Variants in PLXNC1 observed in about 807,000 individuals in gnomAD.
The protein encoded by PLXNC1 is plexin-C1.
PLXNC1 carries 75 observed loss-of-function variants against 178.2 expected under a neutral mutation model. The observed-to-expected ratio is 0.42, with a 90% CI of 0.35 to 0.51. The LOEUF (loss-of-function observed/expected upper bound fraction) is 0.51, where lower values mean the gene tolerates loss of function less well. Among genes scored for constraint, PLXNC1 ranks in the 20% least tolerant of loss-of-function variants. The pLI is 0.02. For missense variants in PLXNC1, 1,503 were observed against 1,984.4 expected, an observed-to-expected ratio of 0.76 and a Z score of 4.61; for synonymous variants, 790 against 779.9, an observed-to-expected ratio of 1.01 and a Z score of -0.22.
intron 5 of PLXNC1, among the ~76,000 whole-genome samples, chr12:94,210,847 A>T (rs1311720927): frequency 6.6e-6 from 1 of 152,224 alleles, no homozygotes; most frequent in African/African-American, 2.4e-5. Flanking sequence ...ATTCTTAGGC[A>T]TCTAAACATA....
rs140604358 is a variant in PLXNC1, at chr12:94,221,457, G to A, written c.1702+1294G>A. Among the ~76,000 whole-genome samples, 1,393 of 152,222 alleles carry A rather than the reference G, an allele frequency of 9.2e-3. 76 individuals carry two copies. Among genetic ancestry groups the A allele is most frequent in the Admixed American group, 0.081 (1,240 of 15,284 alleles). Reference sequence around the variant, plus strand: ...GATTCAATAGATGGTCAGTAGGTACGGTGGGCAGACTGAGGACTCCTGAGT... The same window carrying A: ...GATTCAATAGATGGTCAGTAGGTACAGTGGGCAGACTGAGGACTCCTGAGT... On this transcript the variant is annotated intron_variant, in intron 6 of 30. Coordinates refer to ENST00000258526, the MANE Select transcript of PLXNC1 (RefSeq NM_005761.3).
intron 9 of PLXNC1, among the ~76,000 whole-genome samples, chr12:94,230,444 G>C (rs1964067110): frequency 6.6e-6 from 1 of 152,144 alleles, no homozygotes; most frequent in Non-Finnish European, 1.5e-5. Flanking sequence ...CACAAGAGAA[G>C]AAGAAGGCTG....
intron 21 of PLXNC1, chr12:94,277,669 CAG>C: frequency 3.1e-6 from 1 of 318,534 alleles, no homozygotes; most frequent in Admixed American, 4.7e-5. Flanking sequence ...CCTCCTTATT[CAG>C]AGATACTGAG....
intron 1 of PLXNC1, among the ~76,000 whole-genome samples, chr12:94,164,123 T>C (rs1467763960): frequency 6.6e-6 from 1 of 152,066 alleles, no homozygotes; most frequent in Non-Finnish European, 1.5e-5. Context: ...GCAGGGCTCC[T>C]TCAGGGGTTT....
intron 14 of PLXNC1, among the ~76,000 whole-genome samples, chr12:94,250,731 A>G (rs1030465432): frequency 6.6e-6 from 1 of 152,176 alleles, no homozygotes; most frequent in Non-Finnish European, 1.5e-5. Context: ...TTTATTCAAA[A>G]TAGGATGCCA....
At chr12:94,253,233 A>AAAAAGC (rs1964748750) in intron 15 of PLXNC1, among the ~76,000 whole-genome samples, 1 of 148,294 alleles carries the variant, frequency 6.7e-6, no homozygotes, top group Non-Finnish European at 1.5e-5. Context: ...AAAAAAAAAA[A>AAAAAGC]AAAAAGCACT....
intron 22 of PLXNC1, among the ~76,000 whole-genome samples, chr12:94,280,442 C>T (rs1565854286): frequency 6.6e-6 from 1 of 152,184 alleles, no homozygotes; most frequent in East Asian, 1.9e-4. Flanking sequence ...TAAAATCCTC[C>T]CACTCGGCCC....
At chr12:94,262,228 G>C (rs140118732) in intron 20 of PLXNC1, among the ~76,000 whole-genome samples, 28 of 152,292 alleles carry the variant, frequency 1.8e-4, no homozygotes, top group African/African-American at 6.5e-4. Context: ...CCACACTAGG[G>C]GTCTTGGTTA....
intron 1 of PLXNC1, among the ~76,000 whole-genome samples, chr12:94,156,232 A>G (rs3847801): frequency 0.17 from 25,497 of 152,168 alleles, 2,245 homozygotes; most frequent in East Asian, 0.28. Flanking sequence ...CATCATTACT[A>G]CTAATAGTGT....
chr12:94,167,771 C>T (rs2361357), intron 1 of PLXNC1, among the ~76,000 whole-genome samples: 132,549 of 152,210 alleles, frequency 0.87, 57,773 homozygotes, highest in East Asian at 0.97. Flanking sequence ...AATGAGCTTT[C>T]CCTAAATCTT....
intron 4 of PLXNC1, among the ~76,000 whole-genome samples, chr12:94,189,434 T>C (rs1962640013): frequency 6.6e-6 from 1 of 152,120 alleles, no homozygotes; most frequent in African/African-American, 2.4e-5. Flanking sequence ...TTCCCAGCTT[T>C]TTGGGAGGCC....
intron 21 of PLXNC1, among the ~76,000 whole-genome samples, chr12:94,266,680 T>A (rs989659992): frequency 6.6e-6 from 1 of 152,214 alleles, no homozygotes; most frequent in Non-Finnish European, 1.5e-5. Context: ...TTGGGCAAGT[T>A]TCTAAACCTC....
chr12:94,276,857 C>G (rs1261746275), intron 21 of PLXNC1: 2 of 152,156 alleles, frequency 1.3e-5, no homozygotes, highest in Non-Finnish European at 2.9e-5. Context: ...CATAAAGGTT[C>G]TCTGAGAGCA....
At chr12:94,156,710 T>C (rs1961183119) in intron 1 of PLXNC1, among the ~76,000 whole-genome samples, 3 of 148,840 alleles carry the variant, frequency 2.0e-5, no homozygotes, top group East Asian at 1.9e-4. Flanking sequence ...CTTTCTTTCT[T>C]TTTTTTTTTT....
In PLXNC1 at chr12:94,265,142, C is replaced by A; in HGVS notation, c.3514C>A (p.Pro1172Thr). Residue 1172 changes from proline to threonine, a missense_variant, in exon 21 of 31, where the codon CCC (proline) becomes ACC (threonine). Around this residue, in one of 4 missense-constraint regions of PLXNC1, gnomAD observed 639 missense variants for 979.7 expected, o/e 0.65. Transcript: ENST00000258526. Reference protein sequence around the residue: ...TTLNQKINKGPVDVITCKALY... With the variant: ...TTLNQKINKGTVDVITCKALY... ...TCTGAACCAGAAAATTAACAAGGGT[C>A]CCGTGGATGTAATCACTTGCAAAGC... The A allele has an allele frequency of 6.2e-7, 1 of 1,614,034 alleles. No homozygotes were observed. Among genetic ancestry groups the A allele is most frequent in the South Asian group, 1.1e-5 (1 of 91,072 alleles).
At chr12:94,204,330 C>T (rs1963231680) in intron 4 of PLXNC1, among the ~76,000 whole-genome samples, 1 of 152,194 alleles carries the variant, frequency 6.6e-6, no homozygotes, top group South Asian at 2.1e-4. Context: ...TTTCCCACAT[C>T]TGTGAAGCAG....
chr12:94,180,682 C>T (rs778125587), intron 2 of PLXNC1, among the ~76,000 whole-genome samples: 3 of 152,232 alleles, frequency 2.0e-5, no homozygotes, highest in Admixed American at 6.5e-5. Flanking sequence ...TGAACACAAA[C>T]CTACTTGTCT....
rs959671112 is a variant in PLXNC1 at position 94,306,148 on chromosome 12, T to C, written c.*863T>C. On this transcript the variant is annotated 3_prime_UTR_variant, in exon 31 of 31. Coordinates refer to ENST00000258526, the MANE Select transcript of PLXNC1 (RefSeq NM_005761.3). ...TCAGAACGATCTGTGGAAGAGTAACTCCATTTCTATATGAGTGAGTGTCTC... is the reference window on the plus strand; with the variant it reads ...TCAGAACGATCTGTGGAAGAGTAACCCCATTTCTATATGAGTGAGTGTCTC... The C allele has an allele frequency of 2.0e-5, 3 of 152,244 alleles. No homozygotes were observed. Among genetic ancestry groups the C allele is most frequent in the East Asian group, 1.9e-4 (1 of 5,184 alleles). 9.4% of individuals were successfully genotyped at this position (152,244 alleles called of 1,614,324 possible).
chr12:94,233,407 A>C (rs1964161994), intron 9 of PLXNC1, among the ~76,000 whole-genome samples: 1 of 152,236 alleles, frequency 6.6e-6, no homozygotes, highest in Non-Finnish European at 1.5e-5. Flanking sequence ...TTGGTCACCC[A>C]GTCCAGGTCT....
Sources: allele counts gnomAD v4.1 joint callset (sites outside exome capture counted in the v4.1 genomes callset), GRCh38; gene constraint gnomAD v4.1.1; regional missense constraint gnomAD v4.1.1; transcripts MANE v1.5; gene names NCBI Gene and HGNC (gene_info 2026-07-23, HGNC 2026-07-21).